ACSS3: variants seen among roughly 807,000 people sequenced by gnomAD.
ACSS3 encodes the protein acyl-CoA synthetase short-chain family member 3, mitochondrial.
Under a neutral mutation model 84.2 loss-of-function variants are expected in ACSS3, and 64 were observed. The ratio of observed to expected loss-of-function variants is 0.76; its 90% CI spans 0.62 to 0.94. ACSS3 has a LOEUF of 0.94. Among genes scored for constraint, ACSS3 ranks in the 40% least tolerant of loss-of-function variants. ACSS3 has a pLI of 0.00. For missense variants in ACSS3, 815 were observed against 867.6 expected, an observed-to-expected ratio of 0.94 and a Z score of 0.76; for synonymous variants, 317 against 310.1, an observed-to-expected ratio of 1.02 and a Z score of -0.23.
intron 1 of ACSS3, among the ~76,000 whole-genome samples, chr12:81,083,711 C>T (rs1881138679): frequency 6.6e-6 from 1 of 151,966 alleles, no homozygotes; most frequent in Admixed American, 6.6e-5. Flanking sequence ...GCAGCTCACG[C>T]ATGTAATCTC....
At chr12:81,206,932 T>C (rs2032373672) in intron 9 of ACSS3, among the ~76,000 whole-genome samples, 1 of 152,098 alleles carries the variant, frequency 6.6e-6, no homozygotes, top group African/African-American at 2.4e-5. Context: ...CATTATAATG[T>C]AAAAAGAACA....
intron 3 of ACSS3, among the ~76,000 whole-genome samples, chr12:81,137,148 C>G (rs374454051): frequency 7.1e-6 from 1 of 141,680 alleles, no homozygotes; most frequent in African/African-American, 2.6e-5. Flanking sequence ...TTTTTTTTTT[C>G]TTTTTAAACA....
At chr12:81,129,259 T>C (rs1885324696) in intron 2 of ACSS3, among the ~76,000 whole-genome samples, 1 of 152,146 alleles carries the variant, frequency 6.6e-6, no homozygotes, top group Non-Finnish European at 1.5e-5. Flanking sequence ...ACTTTCTGTA[T>C]GGTTAGGGAA....
intron 11 of ACSS3, among the ~76,000 whole-genome samples, chr12:81,228,269 G>A (rs1040120648): frequency 3.3e-5 from 5 of 151,952 alleles, no homozygotes; most frequent in Admixed American, 3.3e-4. Context: ...GTTCAAAAGA[G>A]TCCTCAGTGT....
intron 13 of ACSS3, among the ~76,000 whole-genome samples, chr12:81,233,822 A>T (rs1415126125): frequency 6.6e-6 from 1 of 151,628 alleles, no homozygotes; most frequent in Non-Finnish European, 1.5e-5. Context: ...GTGGTATGGG[A>T]TTAAACATTT....
intron 1 of ACSS3, among the ~76,000 whole-genome samples, chr12:81,087,211 A>C (rs1881375318): frequency 6.6e-6 from 1 of 152,124 alleles, no homozygotes; most frequent in African/African-American, 2.4e-5. Context: ...CTTAAGAGGG[A>C]GGAAAGCAAT....
In ACSS3 at chr12:81,169,710, C is replaced by CT. The variant is rs1388236795; in HGVS notation, c.1099-5076dup. 3.3e-5 allele frequency among the ~76,000 whole-genome samples: 5 copies of CT among 152,042 alleles called. No homozygotes were observed. In the South Asian group the frequency reaches 6.2e-4, roughly 19 times the overall value. On this transcript the variant is annotated intron_variant, in intron 7 of 15. Transcript: ENST00000548058. ...CTAAATAGTATATCCTGGATAACTGCTTATGTTTTAACAAGTTTTAAGTTT... is the reference window on the plus strand; with the variant it reads ...CTAAATAGTATATCCTGGATAACTGCTTTATGTTTTAACAAGTTTTAAGTTT...
chr12:81,080,525 T>A (rs1377850306), intron 1 of ACSS3, among the ~76,000 whole-genome samples: 1 of 152,042 alleles, frequency 6.6e-6, no homozygotes, highest in African/African-American at 2.4e-5. Context: ...AAACTTTGAC[T>A]CTATTTATTT....
At chr12:81,174,052 C>T (rs2030288417) in intron 7 of ACSS3, among the ~76,000 whole-genome samples, 1 of 152,060 alleles carries the variant, frequency 6.6e-6, no homozygotes, top group South Asian at 2.1e-4. Context: ...GGGGATGTGG[C>T]TTGGCCAAGA....
intron 11 of ACSS3, among the ~76,000 whole-genome samples, chr12:81,225,223 C>G (rs751840951): frequency 1.2e-4 from 18 of 151,590 alleles, no homozygotes; most frequent in Non-Finnish European, 2.7e-4. Flanking sequence ...AATTATGAAT[C>G]CTTTTTTCTT....
chr12:81,078,266 G>A lies in ACSS3; in HGVS notation c.146G>A (p.Arg49Gln), dbSNP rs1017802235. 2 of 1,610,152 alleles carry A rather than the reference G, an allele frequency of 1.2e-6. No individual in the cohort carries two copies. The highest frequency in any genetic ancestry group is 1.7e-6 in the Non-Finnish European group (2 of 1,179,668). ...VPGPRGGLGG[R>Q]GCRALSSGSG... is the part of the protein sequence containing the mutation. ...GGCCCGCGGGGCGGTCTCGGGGGCC[G>A]GGGATGCAGGGCACTGTCCTCCGGC... Residue 49 changes from arginine (R) to glutamine (Q), a missense_variant, in exon 1 of 16, where the codon CGG becomes CAG. Physicochemically the swap from Arg to Gln is conservative, Grantham distance 43. Coordinates refer to ENST00000548058, the MANE Select transcript of ACSS3 (RefSeq NM_024560.4).
chr12:81,186,901 T>C (rs993727267), intron 8 of ACSS3, among the ~76,000 whole-genome samples: 2 of 151,846 alleles, frequency 1.3e-5, no homozygotes, highest in Non-Finnish European at 2.9e-5. Context: ...TGAACATATT[T>C]GCATTCCCAT....
At chr12:81,190,529 A>G (rs2031512477) in intron 8 of ACSS3, among the ~76,000 whole-genome samples, 1 of 152,016 alleles carries the variant, frequency 6.6e-6, no homozygotes, top group Non-Finnish European at 1.5e-5. Flanking sequence ...GTATGATTGT[A>G]TTATGTACAG....
At chr12:81,253,053 C>G (rs1267686097) in intron 13 of ACSS3, among the ~76,000 whole-genome samples, 1 of 152,164 alleles carries the variant, frequency 6.6e-6, no homozygotes, top group Non-Finnish European at 1.5e-5. Context: ...GTTAGCTGAG[C>G]AATTTATCTT....
intron 9 of ACSS3, among the ~76,000 whole-genome samples, chr12:81,206,926 A>G (rs2032373337): frequency 6.6e-6 from 1 of 152,170 alleles, no homozygotes; most frequent in Non-Finnish European, 1.5e-5. Context: ...TTATAGCATT[A>G]TAATGTAAAA....
intron 3 of ACSS3, among the ~76,000 whole-genome samples, chr12:81,138,787 T>A (rs767104358): frequency 1.3e-5 from 2 of 152,184 alleles, no homozygotes; most frequent in African/African-American, 4.8e-5. Context: ...CCAGCTCTTA[T>A]TGGGGCCTTT....
At chr12:81,115,818 A>G (rs144309820) in intron 2 of ACSS3, among the ~76,000 whole-genome samples, 64 of 152,268 alleles carry the variant, frequency 4.2e-4, no homozygotes, top group African/African-American at 1.2e-3. Flanking sequence ...AGTTGAGAAG[A>G]CATTTGCCCC....
At chr12:81,171,384 T>G (rs923204870) in intron 7 of ACSS3, among the ~76,000 whole-genome samples, 1 of 152,132 alleles carries the variant, frequency 6.6e-6, no homozygotes, top group African/African-American at 2.4e-5. Flanking sequence ...TTTAATTGAA[T>G]TTGACATTGA....
intron 7 of ACSS3, among the ~76,000 whole-genome samples, chr12:81,155,882 CTT>C (rs1163545067): frequency 6.6e-6 from 1 of 152,098 alleles, no homozygotes; most frequent in Non-Finnish European, 1.5e-5. Context: ...TGTAGAAAAA[CTT>C]GACATCATCA....
Sources: allele counts gnomAD v4.1 joint callset (sites outside exome capture counted in the v4.1 genomes callset), GRCh38; gene constraint gnomAD v4.1.1; transcripts MANE v1.5; gene names NCBI Gene and HGNC (gene_info 2026-07-23, HGNC 2026-07-21).